The following DNAH17 variants were observed in gnomAD, a reference collection of about 807,000 sequenced individuals.
DNAH17 encodes the protein dynein axonemal heavy chain 17, also known as axonemal beta dynein heavy chain 17.
A neutral mutation model predicts 485.6 loss-of-function variants in DNAH17; 376 were observed. The ratio of observed to expected loss-of-function variants is 0.77; its 90% confidence interval spans 0.71 to 0.84. The LOEUF (loss-of-function observed/expected upper bound fraction) is 0.84, where lower values mean the gene tolerates loss of function less well. Among genes scored for constraint, DNAH17 ranks in the 40% least tolerant of loss-of-function variants. DNAH17 has a pLI of 0.00. For missense variants in DNAH17, 6,370 were observed against 5,839.3 expected (o/e 1.09, Z -2.96); for synonymous variants, 3,031 against 2,405.9 (o/e 1.26, Z -7.60).
chr17:78,572,150 C>T lies in DNAH17; in HGVS notation c.540-368G>A, dbSNP rs1389155982. 5.3e-5 allele frequency among the ~76,000 whole-genome samples: 8 copies of T among 152,212 alleles called. No individual in the cohort carries two copies. The South Asian group carries it at 1.2e-3, about 24-fold the overall frequency. ...GAATGATCAGTGGAGGACTTGCCCA[C>T]GTGAGGCAAAATACGGAACTAATTG... On this transcript the variant is annotated intron_variant, in intron 3 of 80. Coordinates refer to ENST00000389840, the MANE Select transcript of DNAH17 (RefSeq NM_173628.4).
chr17:78,424,374 A>G, intron 80 of DNAH17: 1 of 518,226 alleles, frequency 1.9e-6, no homozygotes. Flanking sequence ...CAGCTCAGCT[A>G]AAGCCCTCGG....
intron 73 of DNAH17, among the ~76,000 whole-genome samples, chr17:78,438,429 A>AGGAGGAGGGAGGAGGAGGAG (rs2086928388): frequency 6.0e-4 from 3 of 4,970 alleles, no homozygotes; most frequent in Non-Finnish European, 3.8e-4. Flanking sequence ...GAGGAGAAGG[A>AGGAGGAGGGAGGAGGAGGAG]GGAGGAGGAG....
intron 51 of DNAH17, 39 bp downstream of exon 51, chr17:78,478,986 C>T (rs758260775): frequency 1.3e-6 from 2 of 1,582,584 alleles, no homozygotes; most frequent in Non-Finnish European, 1.7e-6. Context: ...AGGCACTGGA[C>T]CGTAAGGCAG....
At chr17:78,574,654 G>T (rs2092408085) in intron 2 of DNAH17, 59 bp downstream of exon 2, 1 of 1,464,562 alleles carries the variant, frequency 6.8e-7, no homozygotes, top group Non-Finnish European at 9.3e-7. Context: ...AGGACTCAAG[G>T]CCGCTCCCGA....
Position 78,495,083 on chromosome 17 carries a change from A to G in DNAH17, c.5918T>C (p.Val1973Ala). 1 of 1,608,436 alleles carries G rather than the reference A, an allele frequency of 6.2e-7. No homozygotes were observed. The highest frequency in any genetic ancestry group is 8.5e-7 in the Non-Finnish European group (1 of 1,177,748). The change falls in exon 39 of 81, where the codon GTC (valine) becomes GCC (alanine). Residue 1973 changes from valine (V) to alanine (A), a missense_variant. Coordinates refer to ENST00000389840, the MANE Select transcript of DNAH17 (RefSeq NM_173628.4). Reference protein sequence around the residue: ...LKALFRPCAMVVPDFELICEI... With the variant: ...LKALFRPCAMAVPDFELICEI... ...ACATATCAGTTCGAAGTCGGGGACG[A>G]CCATGGCACAGGGCCTGGGGAGGTC...
intron 75 of DNAH17, among the ~76,000 whole-genome samples, chr17:78,432,432 A>T (rs1043968985): frequency 6.6e-6 from 1 of 152,150 alleles, no homozygotes; most frequent in Non-Finnish European, 1.5e-5. Context: ...TCTATGGCCC[A>T]TGGTGGCCCA....
At chr17:78,496,096 C>T in intron 37 of DNAH17, 64 bp from the exon 38 acceptor site, 5 of 1,525,820 alleles carry the variant, frequency 3.3e-6, no homozygotes, top group Non-Finnish European at 4.4e-6. Context: ...ACCAGAGAGG[C>T]CTTCACATAT....
At chr17:78,494,550 A>G (rs746795574) in intron 40 of DNAH17, 43 bp downstream of exon 40, 1 of 1,586,936 alleles carries the variant, frequency 6.3e-7, no homozygotes, top group East Asian at 2.2e-5. Context: ...AGCCCCAGCC[A>G]GGCAGGCTTC....
chr17:78,462,023 T>A (rs1344802531), intron 57 of DNAH17, among the ~76,000 whole-genome samples: 2 of 151,746 alleles, frequency 1.3e-5, no homozygotes, highest in African/African-American at 2.4e-5. Flanking sequence ...ATAAAAAAAA[T>A]TAGCAAGGCA....
chr17:78,490,907 T>C, intron 43 of DNAH17, 60 bp from the exon 44 acceptor site: 1 of 1,503,900 alleles, frequency 6.6e-7, no homozygotes, highest in Non-Finnish European at 8.9e-7. Flanking sequence ...CCAATGGTGT[T>C]CTGGGGTGGG....
At position 78,480,580 on chromosome 17, in the gene DNAH17, G is replaced by A. The variant is rs560635148; in HGVS notation, c.7752+104C>T. The A allele has an allele frequency of 4.6e-5, 41 of 890,118 alleles. No homozygotes were observed. The Middle Eastern group carries it at 9.0e-4, about 19-fold the overall frequency. 55.1% of individuals were successfully genotyped at this position (890,118 alleles called of 1,614,324 possible). On this transcript the variant is annotated intron_variant, in intron 49 of 80. Transcript: ENST00000389840. ...GTTAAGGAGTTCTCCAGAAAATGTC[G>A]GCCTGCAGCCCTAACACCCTAAACC...
chr17:78,553,132 T>C (rs558963481), intron 14 of DNAH17, among the ~76,000 whole-genome samples: 23 of 152,244 alleles, frequency 1.5e-4, no homozygotes, highest in African/African-American at 5.3e-4. Flanking sequence ...TGCCAAGTGA[T>C]GTGCCTGCTT....
rs778914245 is a variant in DNAH17, at chr17:78,490,849, T to C, written c.6670-2A>G. On this transcript the variant is annotated splice_acceptor_variant, in intron 43 of 80. Coordinates refer to ENST00000389840, the MANE Select transcript of DNAH17 (RefSeq NM_173628.4). LOFTEE classifies it high-confidence loss of function. Reference sequence around the variant, plus strand: ...CTCGTTGCTGGCCAGGGTGAGGACCTAGGAGGGGGACAGCAGCCCGTGGGG... The same window carrying C: ...CTCGTTGCTGGCCAGGGTGAGGACCCAGGAGGGGGACAGCAGCCCGTGGGG... The C allele has an allele frequency of 6.3e-7, 1 of 1,593,206 alleles. No individual in the cohort carries two copies. Among genetic ancestry groups the C allele is most frequent in the South Asian group, 1.1e-5 (1 of 87,994 alleles).
chr17:78,439,072 G>T lies in DNAH17; in HGVS notation c.11805+18C>A. On this transcript the variant is annotated intron_variant, in intron 73 of 80. Transcript: ENST00000389840. ...CAGTGCGGGGAGCCCTTACCCTGCA[G>T]TGCTGGCCCCCTCGTACCTGCAGAA... 6.2e-7 allele frequency: 1 copy of T among 1,611,770 alleles called. No homozygotes were observed. Among genetic ancestry groups the T allele is most frequent in the Non-Finnish European group, 8.5e-7 (1 of 1,179,348 alleles).
chr17:78,564,805 A>G (rs2092234471), intron 11 of DNAH17, among the ~76,000 whole-genome samples: 2 of 152,108 alleles, frequency 1.3e-5, no homozygotes, highest in Non-Finnish European at 2.9e-5. Flanking sequence ...CAACGAACAC[A>G]CAGACATTAG....
chr17:78,557,577 T>A (rs759768902), intron 14 of DNAH17, among the ~76,000 whole-genome samples: 1 of 138,250 alleles, frequency 7.2e-6, no homozygotes, highest in Non-Finnish European at 1.5e-5. Flanking sequence ...AGGCAGAGGT[T>A]ACAGTGAGCC....
In DNAH17 at chr17:78,507,538, T is replaced by A. The variant is rs538711781; in HGVS notation, c.4504A>T (p.Ile1502Phe). The change falls in exon 28 of 81, where the codon ATC (isoleucine) becomes TTC (phenylalanine). Residue 1502 changes from isoleucine to phenylalanine, a missense_variant. Ile to Phe is a conservative substitution (Grantham distance 21). Coordinates refer to ENST00000389840, the MANE Select transcript of DNAH17 (RefSeq NM_173628.4). Reference protein sequence around the residue: ...VQRTWSHLESIFIGSEDIRTQ... With the variant: ...VQRTWSHLESFFIGSEDIRTQ... ...CGGATGTCTTCGGAGCCGATGAAGATGCTCTCCAGGTGGCTCCAGGTTCGC... is the reference window on the plus strand; with the variant it reads ...CGGATGTCTTCGGAGCCGATGAAGAAGCTCTCCAGGTGGCTCCAGGTTCGC... 3.2e-5 allele frequency: 52 copies of A among 1,614,036 alleles called. No homozygotes were observed. In the South Asian group the frequency reaches 4.6e-4, roughly 14 times the overall value.
intron 11 of DNAH17, among the ~76,000 whole-genome samples, chr17:78,565,726 G>A (rs2092252995): frequency 2.6e-5 from 4 of 152,190 alleles, no homozygotes; most frequent in Admixed American, 2.0e-4. Flanking sequence ...GGCTGAGGTG[G>A]GCGGATCACC....
In DNAH17 at chr17:78,451,549, G is replaced by C; in HGVS notation, c.10654C>G (p.Leu3552Val). Residue 3552 changes from leucine (L) to valine (V), a missense_variant, in exon 66 of 81, where the codon CTG becomes GTG. Leu to Val is a conservative substitution (Grantham distance 32, BLOSUM62 1). Transcript: ENST00000389840. Reference sequence around the variant, plus strand: ...TCCTCGAGTCCATCCCTGGTGACCAGGAAGTTGATGAGGGTGCACTGAGCC... The same window carrying C: ...TCCTCGAGTCCATCCCTGGTGACCACGAAGTTGATGAGGGTGCACTGAGCC... ...MQAQCTLINF[L>V]VTRDGLEDQL... The C allele has an allele frequency of 1.2e-6, 2 of 1,613,878 alleles. No homozygotes were observed. Among genetic ancestry groups the C allele is most frequent in the Non-Finnish European group, 1.7e-6 (2 of 1,179,818 alleles).
Sources: gnomAD v4.1 joint callset for allele counts (sites outside exome capture counted in the v4.1 genomes callset) on GRCh38, gnomAD v4.1.1 for gene constraint, MANE v1.5 for transcripts, NCBI Gene and HGNC (gene_info 2026-07-23, HGNC 2026-07-21) for gene names.